Variants in COL6A6 observed in about 807,000 individuals in gnomAD.
The protein encoded by COL6A6 is collagen type VI alpha 6 chain, also known as collagen alpha-6(VI) chain.
In COL6A6, 183 loss-of-function variants were observed where a neutral mutation model predicts 208.6. That is an observed-to-expected ratio of 0.88 (90% confidence interval 0.78 to 0.99). The LOEUF is 0.99. COL6A6 is among the 50% of genes least tolerant of loss of function. The probability of loss-of-function intolerance (pLI) is 0.00; values close to 1 mark genes in which losing one functional copy is unlikely to be tolerated. For missense variants in COL6A6, 2,816 were observed against 2,815.2 expected, an observed-to-expected ratio of 1.00 and a Z score of -0.01; for synonymous variants, 973 against 1,011.8, an observed-to-expected ratio of 0.96 and a Z score of 0.73.
intron 33 of COL6A6, among the ~76,000 whole-genome samples, chr3:130,652,592 G>T (rs1419544666): frequency 6.6e-6 from 1 of 152,204 alleles, no homozygotes; most frequent in East Asian, 1.9e-4. Context: ...AACCAAGCAG[G>T]GTTGTCTGGA....
At chr3:130,641,776 C>T (rs576261319) in intron 29 of COL6A6, 62 bp downstream of exon 29, 2 of 961,918 alleles carry the variant, frequency 2.1e-6, no homozygotes, top group African/African-American at 3.3e-5. Flanking sequence ...AAAGTCAGTG[C>T]ATGAAATCTT....
chr3:130,662,006 G>A lies in COL6A6; in HGVS notation c.6200G>A (p.Trp2067Ter). Residue 2067 changes from tryptophan (W) to a stop codon, truncating the protein, a stop_gained, in exon 35 of 37, where the codon TGG (tryptophan) becomes TAG (stop). Transcript: ENST00000358511. LOFTEE classifies it high-confidence loss of function. The part of the protein sequence containing the change: ...GDAFIGHALQ[W>*]TLDNVFLSTP... ...GCTTTTATTGGTCATGCCTTACAGT[G>A]GACTCTGGACAATGTATTTTTAAGT... 6.2e-7 allele frequency: 1 copy of A among 1,613,916 alleles called. No individual in the cohort carries two copies. The highest frequency in any genetic ancestry group is 8.5e-7 in the Non-Finnish European group (1 of 1,179,866).
At position 130,568,293 on chromosome 3, in the gene COL6A6, A is replaced by G. The variant is rs201412929; in HGVS notation, c.2090A>G (p.Gln697Arg). Residue 697 changes from glutamine to arginine, a missense_variant, in exon 6 of 37, where the codon CAA (glutamine) becomes CGA (arginine). By Grantham distance (43) the Gln-to-Arg change is conservative. Transcript: ENST00000358511. Reference sequence around the variant, plus strand: ...ATAGACCAAATGGCTCACATTGGACAAACCACCCTGACTGGTAGTGCCCTG... The same window carrying G: ...ATAGACCAAATGGCTCACATTGGACGAACCACCCTGACTGGTAGTGCCCTG... ...NAIDQMAHIG[Q>R]TTLTGSALSF... The G allele has an allele frequency of 9.3e-6, 15 of 1,614,046 alleles. No homozygotes were observed. In the Admixed American group the frequency reaches 1.7e-4, roughly 18 times the overall value.
rs1003458129 is a variant in COL6A6 at position 130,610,705 on chromosome 3, TC to T, written c.4813del (p.Gln1605ArgfsTer86). On this transcript the variant is annotated frameshift_variant, in exon 23 of 37. Coordinates refer to ENST00000358511, the MANE Select transcript of COL6A6 (RefSeq NM_001102608.3). LOFTEE classifies it high-confidence loss of function. ...GEKGGVGSKG[P>X]QGPPGPGGEA... ...AAAAAGGAGGTGTGGGAAGTAAAGG[TC>T]CCCAGGTATGTAATGAGAAAAATGA... 2.5e-6 allele frequency: 4 copies of T among 1,582,692 alleles called. No homozygotes were observed. The African/African-American group carries it at 5.4e-5, about 21-fold the overall frequency.
chr3:130,558,785 A>C (rs2062820588), intron 1 of COL6A6, among the ~76,000 whole-genome samples: 5 of 152,250 alleles, frequency 3.3e-5, no homozygotes, highest in Admixed American at 3.3e-4. Flanking sequence ...GCAAAAATAA[A>C]AAGGTATGAA....
rs774968132 is a variant in COL6A6 at position 130,566,840 on chromosome 3, G to A, written c.1421G>A (p.Arg474Gln). Residue 474 changes from arginine (R) to glutamine (Q), a missense_variant, in exon 5 of 37, where the codon CGG becomes CAG. Arg to Gln is a conservative substitution (Grantham distance 43). Transcript: ENST00000358511. ...GMFNIAPHKV[R>Q]VGAVQYADSW... is the part of the protein sequence containing the mutation. ...TTCAACATTGCTCCCCATAAGGTGC[G>A]GGTTGGGGCCGTTCAGTATGCTGAC... The A allele has an allele frequency of 1.6e-5, 26 of 1,613,848 alleles. No individual in the cohort carries two copies. Among genetic ancestry groups the A allele is most frequent in the Middle Eastern group, 1.6e-4 (1 of 6,084 alleles).
At chr3:130,579,475 T>C (rs564431984) in intron 8 of COL6A6, among the ~76,000 whole-genome samples, 4 of 152,304 alleles carry the variant, frequency 2.6e-5, no homozygotes, top group Admixed American at 2.0e-4. Context: ...CTCACAGACT[T>C]GCCCCCCAGG....
rs761558991 is a variant in COL6A6, at chr3:130,574,348, G to A, written c.3370G>A (p.Ala1124Thr). 2 of 1,614,028 alleles carry A rather than the reference G, an allele frequency of 1.2e-6. No individual in the cohort carries two copies. The highest frequency in any genetic ancestry group is 1.7e-6 in the Non-Finnish European group (2 of 1,179,904). ...AGACGAGGTGGCCCAGGCCGCGGAA[G>A]CCCTGAGACACAGAGGTATCGACAT... ...SQDEVAQAAE[A>T]LRHRGIDIYS... is the part of the protein sequence containing the mutation. The change falls in exon 8 of 37, where the codon GCC (alanine) becomes ACC (threonine). Residue 1124 changes from alanine to threonine, a missense_variant. By Grantham distance (58) the Ala-to-Thr change is moderately conservative. Transcript: ENST00000358511.
chr3:130,647,697 T>C (rs537950582), intron 32 of COL6A6, among the ~76,000 whole-genome samples: 4 of 152,236 alleles, frequency 2.6e-5, no homozygotes, highest in Non-Finnish European at 5.9e-5. Flanking sequence ...GGATGTCTCC[T>C]TGCCAGCCTA....
chr3:130,582,657 G>A (rs2108010206), intron 10 of COL6A6, among the ~76,000 whole-genome samples: 1 of 152,226 alleles, frequency 6.6e-6, no homozygotes, highest in Non-Finnish European at 1.5e-5. Context: ...TTCTTGTTTA[G>A]TCAAACAAAG....
intron 17 of COL6A6, among the ~76,000 whole-genome samples, 152 bp downstream of exon 17, chr3:130,593,404 T>C (rs1227662283): frequency 1.3e-5 from 2 of 152,222 alleles, no homozygotes; most frequent in Non-Finnish European, 1.5e-5. Context: ...TTATTTCTTA[T>C]GTTTCTGAGG....
intron 1 of COL6A6, among the ~76,000 whole-genome samples, chr3:130,535,772 A>G (rs2062210173): frequency 6.6e-6 from 1 of 151,998 alleles, no homozygotes; most frequent in Admixed American, 6.6e-5. Context: ...CCCTCTATCT[A>G]CTCTTCACCA....
At chr3:130,544,015 G>A (rs967088336) in intron 1 of COL6A6, among the ~76,000 whole-genome samples, 44 of 152,102 alleles carry the variant, frequency 2.9e-4, no homozygotes, top group African/African-American at 6.0e-4. Flanking sequence ...TAACACAGTG[G>A]CAGGAGTGTC....
chr3:130,622,045 G>A (rs981608509), intron 24 of COL6A6, among the ~76,000 whole-genome samples, 162 bp downstream of exon 24: 11 of 152,110 alleles, frequency 7.2e-5, no homozygotes, highest in African/African-American at 2.7e-4. Flanking sequence ...TAAGGACATG[G>A]GTGTGGACCT....
In COL6A6 at chr3:130,566,754, G is replaced by T; in HGVS notation, c.1335G>T (p.Gly445=). 1 of 1,613,936 alleles carries T rather than the reference G, an allele frequency of 6.2e-7. No individual in the cohort carries two copies. Among genetic ancestry groups the T allele is most frequent in the South Asian group, 1.1e-5 (1 of 91,072 alleles). ...TCTATCTGCTTATCGATGGCTCAGG[G>T]AGCACCCAGGCCACAGATTTCCATG... ...ADIYLLIDGS[G]STQATDFHEM... Residue 445 remains glycine, a synonymous_variant, in exon 5 of 37, where the codon GGG becomes GGT. Coordinates refer to ENST00000358511, the MANE Select transcript of COL6A6 (RefSeq NM_001102608.3).
chr3:130,552,532 G>A (rs2062666870), intron 1 of COL6A6, among the ~76,000 whole-genome samples: 1 of 152,030 alleles, frequency 6.6e-6, no homozygotes, highest in South Asian at 2.1e-4. Context: ...AGGTGTCATT[G>A]CATGTGAGAT....
At chr3:130,547,204 C>T (rs574971821) in intron 1 of COL6A6, among the ~76,000 whole-genome samples, 12 of 152,254 alleles carry the variant, frequency 7.9e-5, no homozygotes, top group Middle Eastern at 3.2e-3. Flanking sequence ...AGCCATGCCC[C>T]GCAGGGAGGT....
chr3:130,657,769 C>T (rs2065832953), intron 33 of COL6A6, among the ~76,000 whole-genome samples: 1 of 152,164 alleles, frequency 6.6e-6, no homozygotes, highest in African/African-American at 2.4e-5. Context: ...TGAAGTTCTA[C>T]CTCTGTGGAT....
At chr3:130,665,144 T>G (rs781356506) in intron 36 of COL6A6, 48 bp downstream of exon 36, 4 of 1,269,238 alleles carry the variant, frequency 3.2e-6, no homozygotes, top group South Asian at 1.4e-5. Context: ...CCCCCTGCCT[T>G]TCTTCTATTT....
Sources: allele counts gnomAD v4.1 joint callset (sites outside exome capture counted in the v4.1 genomes callset), GRCh38; gene constraint gnomAD v4.1.1; transcripts MANE v1.5; gene names NCBI Gene and HGNC (gene_info 2026-07-23, HGNC 2026-07-21).